GNAI3: variants seen among roughly 807,000 people sequenced by gnomAD.
GNAI3 encodes the protein guanine nucleotide-binding protein G(i) subunit alpha-3.
A neutral mutation model predicts 41.8 loss-of-function variants in GNAI3; 12 were observed. That is an observed-to-expected ratio of 0.29 (90% CI 0.18 to 0.47). The LOEUF is 0.47. GNAI3 is among the 20% of genes least tolerant of loss of function. GNAI3 has a pLI of 1.00. For synonymous variants in GNAI3, 132 were observed against 146.5 expected, an observed-to-expected ratio of 0.90 and a Z score of 0.71; for missense variants, 360 against 429.6, an observed-to-expected ratio of 0.84 and a Z score of 1.43.
In GNAI3 at chr1:109,591,261, C is replaced by T. The variant is rs567642768; in HGVS notation, c.875-782C>T. Among the ~76,000 whole-genome samples the T allele has an allele frequency of 3.3e-5, 5 of 152,038 alleles. No individual in the cohort carries two copies. In the South Asian group the frequency reaches 8.3e-4, roughly 25 times the overall value. The stretch of plus-strand genomic sequence containing the variant: ...GCTTTGAAGCTAAACCTCTTTAAAA[C>T]TGTGGAATGATTTTGAAAAGAACAA... On this transcript the variant is annotated intron_variant, in intron 7 of 8. Coordinates refer to ENST00000369851, the MANE Select transcript of GNAI3 (RefSeq NM_006496.4).
intron 7 of GNAI3, among the ~76,000 whole-genome samples, chr1:109,590,990 C>T (rs759441132): frequency 1.3e-5 from 2 of 152,110 alleles, no homozygotes; most frequent in African/African-American, 4.8e-5. Flanking sequence ...GTCTTTGTTG[C>T]GTTTCCCTGG....
intron 7 of GNAI3, 87 bp from the exon 8 acceptor site, chr1:109,591,956 C>T: frequency 1.4e-6 from 1 of 705,358 alleles, no homozygotes; most frequent in Non-Finnish European, 2.4e-6. Context: ...TATGTTCCCT[C>T]TCCATAAGTA....
chr1:109,552,084 C>T (rs1647994476), intron 1 of GNAI3, among the ~76,000 whole-genome samples: 1 of 151,934 alleles, frequency 6.6e-6, no homozygotes, highest in Admixed American at 6.6e-5. Context: ...ATCGCTTGAA[C>T]CCGGGAGGTG....
chr1:109,558,896 C>T (rs557816306), intron 1 of GNAI3, among the ~76,000 whole-genome samples: 32 of 151,818 alleles, frequency 2.1e-4, no homozygotes, highest in African/African-American at 7.2e-4. Context: ...TAAGGAATGT[C>T]GGCCAGGCGC....
intron 1 of GNAI3, among the ~76,000 whole-genome samples, chr1:109,561,567 A>C (rs12046010): frequency 0.19 from 29,056 of 152,116 alleles, 2,977 homozygotes; most frequent in East Asian, 0.36. Context: ...TCATTGTTGC[A>C]CTGTTCAGTG....
chr1:109,582,321 C>A, intron 4 of GNAI3, 116 bp from the exon 5 acceptor site: 1 of 677,088 alleles, frequency 1.5e-6, no homozygotes, highest in Non-Finnish European at 2.6e-6. Flanking sequence ...AGATCTGATT[C>A]TGTTTTGCCA....
At chr1:109,580,048 C>CTGGA (rs1433601037) in intron 4 of GNAI3, among the ~76,000 whole-genome samples, 16 of 152,360 alleles carry the variant, frequency 1.1e-4, no homozygotes, top group Admixed American at 7.8e-4. Flanking sequence ...GTCGCCCAGA[C>CTGGA]TGGAGTGCAG....
intron 1 of GNAI3, among the ~76,000 whole-genome samples, chr1:109,555,883 C>G (rs1412661775): frequency 1.3e-5 from 2 of 151,720 alleles, no homozygotes; most frequent in Non-Finnish European, 2.9e-5. Flanking sequence ...CAGATACTTC[C>G]TTTTTTCCTA....
chr1:109,583,353 G>A lies in GNAI3; in HGVS notation c.590+788G>A, dbSNP rs543668032. ...GCCTTCCAAGTAGCTGGGACTATAG[G>A]CTCATGCCACTGTGCCTGGCTAATG... is the stretch of plus-strand genomic sequence containing the variant. On this transcript the variant is annotated intron_variant, in intron 5 of 8. Transcript: ENST00000369851. Among the ~76,000 whole-genome samples the A allele has an allele frequency of 3.9e-5, 6 of 152,178 alleles. No individual in the cohort carries two copies. The East Asian group carries it at 1.2e-3, about 29-fold the overall frequency.
chr1:109,582,391 A>T, intron 4 of GNAI3, 46 bp from the exon 5 acceptor site: 1 of 1,534,124 alleles, frequency 6.5e-7, no homozygotes, highest in Non-Finnish European at 9.0e-7. Context: ...TTTGCTATGC[A>T]CATGGTTGGC....
At chr1:109,586,676 T>G (rs1571162472) in intron 6 of GNAI3, 53 bp from the exon 7 acceptor site, 1 of 1,323,126 alleles carries the variant, frequency 7.6e-7, no homozygotes, top group Non-Finnish European at 1.1e-6. Context: ...TTCATTAACT[T>G]AATCCACTTT....
chr1:109,583,747 A>ATTT (rs35202006), intron 5 of GNAI3, among the ~76,000 whole-genome samples: 2 of 137,322 alleles, frequency 1.5e-5, no homozygotes, highest in Non-Finnish European at 3.2e-5. Flanking sequence ...CGCCCGGCTA[A>ATTT]TTTTTTTTTT....
At chr1:109,550,504 A>C (rs1348834645) in intron 1 of GNAI3, among the ~76,000 whole-genome samples, 4 of 151,928 alleles carry the variant, frequency 2.6e-5, no homozygotes, top group Non-Finnish European at 4.4e-5. Flanking sequence ...CCTTTGAGAA[A>C]TTTGATATAA....
intron 1 of GNAI3, among the ~76,000 whole-genome samples, chr1:109,568,536 ACT>A (rs1023205168): frequency 5.9e-5 from 9 of 151,996 alleles, no homozygotes; most frequent in Non-Finnish European, 1.0e-4. Flanking sequence ...ACAGAGCAAG[ACT>A]CTGTCTCAAA....
At chr1:109,578,452 A>G (rs111821366) in intron 3 of GNAI3, among the ~76,000 whole-genome samples, 23 of 146,946 alleles carry the variant, frequency 1.6e-4, no homozygotes, top group African/African-American at 5.6e-4. Flanking sequence ...CCTGAGTGAC[A>G]AGAGCGAAAC....
At position 109,593,679 on chromosome 1, in the gene GNAI3, A is replaced by G. The variant is rs373132580; in HGVS notation, c.*1357A>G. ...ATAGTATTGTTGAACCTTAGGTTTT[A>G]TGTTATATCTGCATATGAGTGATAT... is the stretch of plus-strand genomic sequence containing the variant. On this transcript the variant is annotated 3_prime_UTR_variant, in exon 9 of 9. Transcript: ENST00000369851. 1 of 150,172 alleles carries G rather than the reference A, an allele frequency of 6.7e-6. No individual in the cohort carries two copies. The allele number at this position is 150,172 out of a possible 1,614,324, so 9.3% of individuals were successfully genotyped here.
At chr1:109,551,084 A>C (rs1261443558) in intron 1 of GNAI3, among the ~76,000 whole-genome samples, 1 of 152,258 alleles carries the variant, frequency 6.6e-6, no homozygotes, top group Non-Finnish European at 1.5e-5. Context: ...ATTAAAAACA[A>C]AATTAGACAC....
At chr1:109,590,761 T>C (rs1649153878) in intron 7 of GNAI3, among the ~76,000 whole-genome samples, 1 of 152,088 alleles carries the variant, frequency 6.6e-6, no homozygotes, top group South Asian at 2.1e-4. Context: ...AGATGTGGTT[T>C]CACTAAGTTA....
chr1:109,592,072 T>C lies in GNAI3; in HGVS notation c.904T>C (p.Tyr302His), dbSNP rs1571165295. 1 of 1,612,480 alleles carries C rather than the reference T, an allele frequency of 6.2e-7. No homozygotes were observed. Among genetic ancestry groups the C allele is most frequent in the Non-Finnish European group, 8.5e-7 (1 of 1,178,732 alleles). ...CAATACATATGAAGAGGCAGCTGCC[T>C]ATATTCAATGCCAGTTTGAAGATCT... ...GSNTYEEAAA[Y>H]IQCQFEDLNR... is the part of the protein sequence containing the mutation. The change falls in exon 8 of 9, where the codon TAT becomes CAT. Residue 302 changes from tyrosine (Y) to histidine (H), a missense_variant. Tyr to His is a moderately conservative substitution (Grantham distance 83). Transcript: ENST00000369851.
Sources: gnomAD v4.1 joint callset for allele counts (sites outside exome capture counted in the v4.1 genomes callset) on GRCh38, gnomAD v4.1.1 for gene constraint, MANE v1.5 for transcripts, NCBI Gene and HGNC (gene_info 2026-07-23, HGNC 2026-07-21) for gene names.